Variants in LAMA3 observed in about 807,000 individuals in gnomAD.
LAMA3 encodes laminin subunit alpha-3.
In LAMA3, 281 loss-of-function variants were observed where a neutral mutation model predicts 402.0. The observed-to-expected ratio is 0.70, with a 90% confidence interval of 0.63 to 0.77. LAMA3 has a LOEUF of 0.77. Ranked by LOEUF, LAMA3 falls within the 30% of genes least tolerant of loss-of-function variation. The pLI, the probability that LAMA3 is intolerant of heterozygous loss-of-function variation, is 0.00. For synonymous variants in LAMA3, 1,431 were observed against 1,558.4 expected, an observed-to-expected ratio of 0.92 and a Z score of 1.93; for missense variants, 3,840 against 4,215.5, an observed-to-expected ratio of 0.91 and a Z score of 2.47.
At chr18:23,953,840 G>C (rs2083015989) in intron 74 of LAMA3, among the ~76,000 whole-genome samples, 4 of 152,180 alleles carry the variant, frequency 2.6e-5, no homozygotes, top group Admixed American at 2.6e-4. Context: ...TTCAAGACTG[G>C]AATGTTGTCT....
Position 23,777,545 on chromosome 18 carries a change from C to T in LAMA3, c.1406-12C>T, listed in dbSNP as rs759677645. 14 of 1,571,058 alleles carry T rather than the reference C, an allele frequency of 8.9e-6. No individual in the cohort carries two copies. Among genetic ancestry groups the T allele is most frequent in the Non-Finnish European group, 9.6e-6 (11 of 1,140,882 alleles). On this transcript the variant is annotated splice_polypyrimidine_tract_variant and intron_variant, in intron 10 of 74. Transcript: ENST00000313654. ...ATCATCCTCTGTATTTTTTAATAAACTATTTTTACAGGAATTCCCATTTTT... is the reference window on the plus strand; with the variant it reads ...ATCATCCTCTGTATTTTTTAATAAATTATTTTTACAGGAATTCCCATTTTT...
chr18:23,858,761 G>A lies in LAMA3; in HGVS notation c.4354G>A (p.Gly1452Ser), dbSNP rs2064145451. 6.2e-7 allele frequency: 1 copy of A among 1,614,122 alleles called. No individual in the cohort carries two copies. The highest frequency in any genetic ancestry group is 8.5e-7 in the Non-Finnish European group (1 of 1,179,962). The change falls in exon 34 of 75, where the codon GGT becomes AGT. Residue 1452 changes from glycine to serine, a missense_variant. By Grantham distance (56) the Gly-to-Ser change is moderately conservative. This residue lies in a region of LAMA3 where 2,109 missense variants were observed against 2,376.0 expected (regional missense o/e 0.89). Transcript: ENST00000313654. ...SFHLDPANLKGCTSCFCFGVN... is the reference protein window; with the variant it reads ...SFHLDPANLKSCTSCFCFGVN... ...CCATTTGGACCCAGCCAATCTCAAG[G>A]GTTGTACCAGCTGTTTCTGTTTTGG...
intron 12 of LAMA3, among the ~76,000 whole-genome samples, chr18:23,800,281 G>T (rs73969528): frequency 6.6e-6 from 1 of 152,110 alleles, no homozygotes; most frequent in African/African-American, 2.4e-5. Flanking sequence ...TAAAGTCCTC[G>T]GGTGATGTTC....
intron 44 of LAMA3, among the ~76,000 whole-genome samples, chr18:23,897,571 G>C (rs1855362664): frequency 6.6e-6 from 1 of 152,140 alleles, no homozygotes; most frequent in South Asian, 2.1e-4. Context: ...CATTAAACAG[G>C]CATGGAGAAG....
At chr18:23,892,399 TC>T (rs2080705854) in intron 42 of LAMA3, among the ~76,000 whole-genome samples, 2 of 151,970 alleles carry the variant, frequency 1.3e-5, no homozygotes, top group Admixed American at 1.3e-4. Context: ...TTTTTTTTTT[TC>T]TTCAACTAAT....
intron 4 of LAMA3, 73 bp from the exon 5 acceptor site, chr18:23,750,845 A>G: frequency 6.5e-7 from 1 of 1,548,372 alleles, no homozygotes; most frequent in Middle Eastern, 1.7e-4. Flanking sequence ...CATGTGAGTT[A>G]TTTTTACTTA....
Position 23,954,690 on chromosome 18 carries a change from A to G in LAMA3, c.*42A>G, listed in dbSNP as rs371176897. On this transcript the variant is annotated 3_prime_UTR_variant, in exon 75 of 75. Coordinates refer to ENST00000313654, the MANE Select transcript of LAMA3 (RefSeq NM_198129.4). The stretch of plus-strand genomic sequence containing the variant: ...AGCAAGGAAATTCACCTTCAAAAGC[A>G]CTGATTACCCAATGCACCTCCCTCC... The G allele has an allele frequency of 7.4e-5, 119 of 1,604,920 alleles. No individual in the cohort carries two copies. The highest frequency in any genetic ancestry group is 9.3e-5 in the Non-Finnish European group (109 of 1,171,862).
At chr18:23,703,902 C>A (rs897139513) in intron 1 of LAMA3, among the ~76,000 whole-genome samples, 4 of 152,170 alleles carry the variant, frequency 2.6e-5, no homozygotes, top group African/African-American at 9.7e-5. Flanking sequence ...CACCTAAATG[C>A]CTTTGTGACT....
chr18:23,822,319 A>T lies in LAMA3; in HGVS notation c.2372A>T (p.Tyr791Phe), dbSNP rs2063301449. 6.2e-7 allele frequency: 1 copy of T among 1,613,668 alleles called. No individual in the cohort carries two copies. The highest frequency in any genetic ancestry group is 1.7e-5 in the Admixed American group (1 of 60,006). ...SGSLFRVILRYVNPGTEAVSG... is the reference protein window; with the variant it reads ...SGSLFRVILRFVNPGTEAVSG... ...TCCTTGTTTCGTGTTATTCTGAGAT[A>T]CGTTAACCCTGGAACTGAAGCAGTA... Residue 791 changes from tyrosine (Y) to phenylalanine (F), a missense_variant, in exon 20 of 75, where the codon TAC (tyrosine) becomes TTC (phenylalanine). Tyr to Phe is a conservative substitution (Grantham distance 22). Coordinates refer to ENST00000313654, the MANE Select transcript of LAMA3 (RefSeq NM_198129.4).
At chr18:23,753,931 A>G in intron 6 of LAMA3, 119 bp downstream of exon 6, 1 of 743,498 alleles carries the variant, frequency 1.3e-6, no homozygotes, top group Non-Finnish European at 2.4e-6. Context: ...ATGATTCAGG[A>G]TCAATGAATA....
chr18:23,797,330 A>C (rs1208670483), intron 12 of LAMA3, among the ~76,000 whole-genome samples: 3 of 152,024 alleles, frequency 2.0e-5, no homozygotes, highest in Non-Finnish European at 4.4e-5. Flanking sequence ...TTTACAACCA[A>C]TCACCATGGC....
At chr18:23,740,521 G>T (rs1209989845) in intron 2 of LAMA3, among the ~76,000 whole-genome samples, 8 of 151,898 alleles carry the variant, frequency 5.3e-5, no homozygotes, top group Admixed American at 3.9e-4. Context: ...GGCTCCTGTG[G>T]TTCTTTTATA....
intron 67 of LAMA3, among the ~76,000 whole-genome samples, chr18:23,937,880 G>A (rs756133178): frequency 1.3e-5 from 2 of 152,178 alleles, no homozygotes; most frequent in Non-Finnish European, 2.9e-5. Context: ...CCAGGAAATG[G>A]GTCAGGGAAG....
intron 18 of LAMA3, among the ~76,000 whole-genome samples, chr18:23,819,527 C>T (rs757022546): frequency 1.1e-4 from 17 of 152,028 alleles, no homozygotes; most frequent in Non-Finnish European, 2.2e-4. Context: ...CAGTAAATAA[C>T]CTAATCTGAC....
intron 2 of LAMA3, among the ~76,000 whole-genome samples, chr18:23,732,620 G>A (rs1468591505): frequency 3.3e-5 from 5 of 152,038 alleles, no homozygotes; most frequent in Non-Finnish European, 5.9e-5. Context: ...AAACTCCCTC[G>A]CATTGGCTCT....
chr18:23,868,762 A>G (rs1273278159), intron 37 of LAMA3, among the ~76,000 whole-genome samples: 2 of 152,260 alleles, frequency 1.3e-5, no homozygotes, highest in South Asian at 2.1e-4. Context: ...AATGTTTTAC[A>G]TCCAAAGAAA....
intron 2 of LAMA3, among the ~76,000 whole-genome samples, chr18:23,721,471 T>C (rs948826): frequency 7.1e-4 from 108 of 152,228 alleles, no homozygotes; most frequent in African/African-American, 2.5e-3. Context: ...TGTGGGAGGT[T>C]TGTGTGGGCA....
rs2064124427 is a variant in LAMA3 at position 23,857,985 on chromosome 18, C to T, written c.4278C>T (p.Cys1426=). 1.2e-6 allele frequency: 2 copies of T among 1,614,092 alleles called. No individual in the cohort carries two copies. Among genetic ancestry groups the T allele is most frequent in the Admixed American group, 1.7e-5 (1 of 60,018 alleles). ...VCDPGTGACL[C]KENVEGTECN... Reference sequence around the variant, plus strand: ...ACCCAGGGACCGGGGCTTGCCTCTGCAAGGTAAGAGAGATCGTGCAATGCC... The same window carrying T: ...ACCCAGGGACCGGGGCTTGCCTCTGTAAGGTAAGAGAGATCGTGCAATGCC... Residue 1426 remains cysteine, a synonymous_variant, in exon 33 of 75, where the codon TGC becomes TGT. Coordinates refer to ENST00000313654, the MANE Select transcript of LAMA3 (RefSeq NM_198129.4).
intron 12 of LAMA3, 26 bp downstream of exon 12, chr18:23,784,183 C>T (rs765184269): frequency 6.2e-7 from 1 of 1,613,202 alleles, no homozygotes; most frequent in African/African-American, 1.3e-5. Context: ...ATAGCATATT[C>T]ATAATCAATC....
Sources: allele counts gnomAD v4.1 joint callset (sites outside exome capture counted in the v4.1 genomes callset), GRCh38; gene constraint gnomAD v4.1.1; regional missense constraint gnomAD v4.1.1; transcripts MANE v1.5; gene names NCBI Gene and HGNC (gene_info 2026-07-23, HGNC 2026-07-21).